USP54: variants seen among roughly 807,000 people sequenced by gnomAD.
USP54 encodes the protein ubiquitin carboxyl-terminal hydrolase 54.
A neutral mutation model predicts 170.5 loss-of-function variants in USP54; 87 were observed. That is an observed-to-expected ratio of 0.51 (90% confidence interval 0.43 to 0.61). The LOEUF (loss-of-function observed/expected upper bound fraction) is 0.61, where lower values mean the gene tolerates loss of function less well. USP54 is among the 20% of genes least tolerant of loss of function. The pLI is 0.00. For missense variants in USP54, 1,786 were observed against 2,047.8 expected, an observed-to-expected ratio of 0.87 and a Z score of 2.47; for synonymous variants, 655 against 742.8, an observed-to-expected ratio of 0.88 and a Z score of 1.92.
intron 1 of USP54, among the ~76,000 whole-genome samples, chr10:73,604,890 AGTGTGGAAGGT>A (rs2079495398): frequency 6.6e-6 from 1 of 152,160 alleles, no homozygotes; most frequent in South Asian, 2.1e-4. Flanking sequence ...AAGCTTCCAC[AGTGTGGAAGGT>A]GACCCAAGCG....
chr10:73,534,852 A>C, intron 11 of USP54, 82 bp from the exon 12 acceptor site: 15 of 1,359,152 alleles, frequency 1.1e-5, no homozygotes, highest in Non-Finnish European at 1.5e-5. Context: ...GGACACAACA[A>C]AGCTCCATAA....
intron 12 of USP54, among the ~76,000 whole-genome samples, chr10:73,532,474 C>T (rs529933074): frequency 1.6e-4 from 25 of 152,252 alleles, no homozygotes; most frequent in African/African-American, 5.5e-4. Flanking sequence ...TGTGCCCGGC[C>T]GCAACTAAGT....
intron 12 of USP54, 94 bp downstream of exon 12, chr10:73,534,506 T>C: frequency 6.9e-7 from 1 of 1,448,170 alleles, no homozygotes; most frequent in South Asian, 1.4e-5. Flanking sequence ...ATTACAGGTG[T>C]GAGCCACTGC....
intron 23 of USP54, among the ~76,000 whole-genome samples, chr10:73,500,371 C>CT (rs2057842167): frequency 6.6e-6 from 1 of 152,206 alleles, no homozygotes; most frequent in Non-Finnish European, 1.5e-5. Context: ...ATTAACTCCC[C>CT]TTTGTCAGTT....
At chr10:73,563,177 A>C (rs892473976) in intron 4 of USP54, among the ~76,000 whole-genome samples, 1 of 151,922 alleles carries the variant, frequency 6.6e-6, no homozygotes, top group Admixed American at 6.6e-5. Context: ...GTGGTCTCAA[A>C]CTCCTGAGCT....
intron 9 of USP54, 21 bp from the exon 10 acceptor site, chr10:73,539,614 A>G (rs1229756808): frequency 1.9e-6 from 3 of 1,569,716 alleles, no homozygotes; most frequent in Non-Finnish European, 2.6e-6. Flanking sequence ...AGAAGAGAAA[A>G]GAAAGCACAG....
intron 11 of USP54, 143 bp downstream of exon 11, chr10:73,536,126 C>A: frequency 8.5e-7 from 1 of 1,180,824 alleles, no homozygotes. Flanking sequence ...GGCTTCAGCA[C>A]AAATTGGCAC....
intron 1 of USP54, among the ~76,000 whole-genome samples, chr10:73,590,490 CA>C (rs983363227): frequency 2.6e-5 from 4 of 151,026 alleles, no homozygotes; most frequent in East Asian, 1.9e-4. Context: ...ATCCAGTATC[CA>C]AAAAAAAATT....
At chr10:73,615,975 G>C (rs764765779) in intron 1 of USP54, among the ~76,000 whole-genome samples, 1 of 149,070 alleles carries the variant, frequency 6.7e-6, no homozygotes, top group Admixed American at 6.6e-5. Context: ...GGGAGGCCAA[G>C]GTGAGAGGAT....
intron 9 of USP54, among the ~76,000 whole-genome samples, chr10:73,540,024 G>A (rs143239694): frequency 7.9e-5 from 12 of 152,094 alleles, no homozygotes; most frequent in East Asian, 1.9e-4. Flanking sequence ...TACTTGAGAC[G>A]TTGAGGCAGG....
At position 73,516,557 on chromosome 10, in the gene USP54, G is replaced by A. The variant is rs1283506909; in HGVS notation, c.3869C>T (p.Ser1290Phe). 1.9e-6 allele frequency: 3 copies of A among 1,614,098 alleles called. No individual in the cohort carries two copies. In the Admixed American group the frequency reaches 5.0e-5, roughly 27 times the overall value. The stretch of plus-strand genomic sequence containing the variant: ...CTCTGGATAGGTTACACACGTATGG[G>A]AATCATGAGGGGAGGACTTCATTCC... ...RPGMKSSPHDSHTCVTYPERN... is the reference protein window; with the variant it reads ...RPGMKSSPHDFHTCVTYPERN... Residue 1290 changes from serine to phenylalanine, a missense_variant, in exon 20 of 24, where the codon TCC becomes TTC. By Grantham distance (155) the Ser-to-Phe change is radical. Transcript: ENST00000687698.
intron 4 of USP54, among the ~76,000 whole-genome samples, chr10:73,569,045 A>ATTT (rs2074448176): frequency 6.6e-6 from 1 of 152,216 alleles, no homozygotes; most frequent in South Asian, 2.1e-4. Context: ...CCGACTAGTC[A>ATTT]AAGGACTATC....
In USP54 at chr10:73,526,656, G is replaced by A. The variant is rs769232655; in HGVS notation, c.2185C>T (p.Pro729Ser). 6.2e-7 allele frequency: 1 copy of A among 1,613,840 alleles called. No homozygotes were observed. Among genetic ancestry groups the A allele is most frequent in the Non-Finnish European group, 8.5e-7 (1 of 1,179,904 alleles). The stretch of plus-strand genomic sequence containing the variant: ...GTGTCATTCTGCTTACCAGAGAAAG[G>A]CTGACTCTTTGTCCAGCCACCCATG... ...ASMGGWTKSQ[P>S]FSGEEISSKS... Residue 729 changes from proline (P) to serine (S), a missense_variant, in exon 16 of 24, where the codon CCT becomes TCT. Coordinates refer to ENST00000687698, the MANE Select transcript of USP54 (RefSeq NM_001391956.1).
intron 1 of USP54, chr10:73,624,497 C>G (rs905889215): frequency 6.6e-6 from 1 of 151,266 alleles, no homozygotes; most frequent in Non-Finnish European, 1.5e-5. Context: ...CGTGAGTCAC[C>G]GCGCCCAGCC....
At chr10:73,504,622 T>G in intron 22 of USP54, 1 of 594,262 alleles carries the variant, frequency 1.7e-6, no homozygotes. Context: ...CAGGAAACCC[T>G]ACAACACGCA....
chr10:73,601,015 G>A (rs111284878), intron 1 of USP54, among the ~76,000 whole-genome samples: 12 of 152,040 alleles, frequency 7.9e-5, no homozygotes, highest in Admixed American at 3.3e-4. Flanking sequence ...GCAAACCTGC[G>A]CATGTACCCT....
chr10:73,522,817 AGTG>A lies in USP54; in HGVS notation c.2362+763_2362+765del, dbSNP rs747788198. On this transcript the variant is annotated intron_variant, in intron 17 of 23. Transcript: ENST00000687698. ...CTCTAAGTGTATATAAAAAGAGAAAAGTGGTCAACAGAAAACAGCCAGCAAAGT... is the reference window on the plus strand; with the variant it reads ...CTCTAAGTGTATATAAAAAGAGAAAAGTCAACAGAAAACAGCCAGCAAAGT... 1.5e-4 allele frequency among the ~76,000 whole-genome samples: 23 copies of A among 152,358 alleles called. No homozygotes were observed. In the East Asian group the frequency reaches 3.9e-3, roughly 26 times the overall value.
intron 1 of USP54, among the ~76,000 whole-genome samples, chr10:73,619,703 CA>C (rs1256549757): frequency 6.7e-6 from 1 of 150,176 alleles, no homozygotes; most frequent in South Asian, 2.1e-4. Context: ...CAACTGAAGA[CA>C]AAAAAATTAA....
At chr10:73,599,534 T>A (rs1377273069) in intron 1 of USP54, among the ~76,000 whole-genome samples, 3 of 152,162 alleles carry the variant, frequency 2.0e-5, no homozygotes, top group Non-Finnish European at 4.4e-5. Context: ...TCTCTAGTCT[T>A]TATGGTTTCT....
Sources: gnomAD v4.1 joint callset for allele counts (sites outside exome capture counted in the v4.1 genomes callset) on GRCh38, gnomAD v4.1.1 for gene constraint, MANE v1.5 for transcripts, NCBI Gene and HGNC (gene_info 2026-07-23, HGNC 2026-07-21) for gene names.